The following EYS variants were observed in gnomAD, a reference collection of about 807,000 sequenced individuals.
EYS encodes protein eyes shut homolog.
Under a neutral mutation model 282.1 loss-of-function variants are expected in EYS, and 250 were observed. The ratio of observed to expected loss-of-function variants is 0.89; its 90% confidence interval spans 0.80 to 0.98. The LOEUF (loss-of-function observed/expected upper bound fraction) is 0.98. Among genes scored for constraint, EYS ranks in the 50% least tolerant of loss-of-function variants. The pLI, the probability that EYS is intolerant of heterozygous loss-of-function variation, is 0.00. For missense variants in EYS, 4,016 were observed against 3,709.0 expected (o/e 1.08, Z -2.15); for synonymous variants, 1,355 against 1,282.9 (o/e 1.06, Z -1.20).
intron 26 of EYS, among the ~76,000 whole-genome samples, chr6:64,450,065 T>C (rs369965334): frequency 4.0e-5 from 6 of 151,796 alleles, no homozygotes; most frequent in South Asian, 2.1e-4. Context: ...ACCTGGCAAA[T>C]TGGATAAAGA....
chr6:64,557,380 C>A (rs1037227564), intron 26 of EYS, among the ~76,000 whole-genome samples: 1 of 151,878 alleles, frequency 6.6e-6, no homozygotes, highest in Non-Finnish European at 1.5e-5. Flanking sequence ...TTATTTGGTT[C>A]TTTTCAATGT....
intron 12 of EYS, among the ~76,000 whole-genome samples, chr6:65,107,316 A>G (rs1170880914): frequency 6.7e-6 from 1 of 149,510 alleles, no homozygotes. Flanking sequence ...TTTTTAATGT[A>G]AACACCTGGG....
chr6:64,789,105 T>C (rs561745861), intron 22 of EYS, among the ~76,000 whole-genome samples: 1 of 152,188 alleles, frequency 6.6e-6, no homozygotes. Context: ...CAAGCCACCA[T>C]AGTATTTGAC....
chr6:65,049,535 T>TA (rs1448379114), intron 13 of EYS, among the ~76,000 whole-genome samples: 1 of 151,782 alleles, frequency 6.6e-6, no homozygotes, highest in Non-Finnish European at 1.5e-5. Flanking sequence ...TGAAAAAGTT[T>TA]AAAAGTTGAG....
intron 2 of EYS, among the ~76,000 whole-genome samples, chr6:65,503,483 T>C (rs577581626): frequency 6.6e-6 from 1 of 151,772 alleles, no homozygotes; most frequent in South Asian, 2.1e-4. Context: ...TTTTCTGTCA[T>C]GAATTATGCT....
At chr6:64,185,300 A>C (rs1042334509) in intron 31 of EYS, among the ~76,000 whole-genome samples, 1 of 152,210 alleles carries the variant, frequency 6.6e-6, no homozygotes, top group Non-Finnish European at 1.5e-5. Context: ...TCTAACCCAC[A>C]GTCAGCTACA....
At chr6:64,704,254 CTTTG>C (rs1770895546) in intron 22 of EYS, among the ~76,000 whole-genome samples, 2 of 148,974 alleles carry the variant, frequency 1.3e-5, no homozygotes, top group South Asian at 2.1e-4. Flanking sequence ...TATATCTGTA[CTTTG>C]TTTAATTTTA....
rs9453354 is a variant in EYS, at chr6:65,633,143, A to T, written c.-333+6635T>A. ...CATTGTTAGGGTTGTGTTTTCTCTGAACTATCCATCATAAGATTTATTTTT... is the reference window on the plus strand; with the variant it reads ...CATTGTTAGGGTTGTGTTTTCTCTGTACTATCCATCATAAGATTTATTTTT... On this transcript the variant is annotated intron_variant, in intron 2 of 42. Coordinates refer to ENST00000503581, the MANE Select transcript of EYS (RefSeq NM_001142800.2). 5.7e-4 allele frequency among the ~76,000 whole-genome samples: 87 copies of T among 152,290 alleles called. 1 individual carries two copies. The highest frequency in any genetic ancestry group is 2.0e-3 in the African/African-American group (82 of 41,556).
At chr6:64,133,217 T>C (rs997630771) in intron 31 of EYS, among the ~76,000 whole-genome samples, 1 of 152,052 alleles carries the variant, frequency 6.6e-6, no homozygotes, top group Non-Finnish European at 1.5e-5. Flanking sequence ...ACATTTTTTA[T>C]TTAAATATTA....
intron 33 of EYS, among the ~76,000 whole-genome samples, chr6:64,048,894 C>T (rs7752934): frequency 0.33 from 50,640 of 151,790 alleles, 8,822 homozygotes; most frequent in African/African-American, 0.44. Flanking sequence ...CAGTCATTCT[C>T]CTGCCATTCT....
At chr6:63,847,877 T>A (rs1371796111) in intron 36 of EYS, among the ~76,000 whole-genome samples, 1 of 152,210 alleles carries the variant, frequency 6.6e-6, no homozygotes, top group Non-Finnish European at 1.5e-5. Context: ...TGTTGAATAC[T>A]TTTCAATGTA....
intron 12 of EYS, among the ~76,000 whole-genome samples, chr6:65,279,154 A>C (rs1768147422): frequency 1.3e-5 from 2 of 152,166 alleles, no homozygotes; most frequent in Non-Finnish European, 2.9e-5. Flanking sequence ...ACGCCACTGC[A>C]CTTCACCCTG....
At chr6:63,968,937 C>T (rs993517785) in intron 35 of EYS, among the ~76,000 whole-genome samples, 1 of 152,126 alleles carries the variant, frequency 6.6e-6, no homozygotes, top group South Asian at 2.1e-4. Flanking sequence ...TTACACAAAG[C>T]GTACTTGTGG....
chr6:65,424,305 G>A (rs1441960510), intron 5 of EYS, among the ~76,000 whole-genome samples: 2 of 151,190 alleles, frequency 1.3e-5, no homozygotes, highest in Non-Finnish European at 3.0e-5. Flanking sequence ...TTGCTCTTAA[G>A]ATTTTTCTGA....
chr6:64,311,636 C>A (rs1769708112), intron 29 of EYS, among the ~76,000 whole-genome samples: 1 of 152,136 alleles, frequency 6.6e-6, no homozygotes, highest in South Asian at 2.1e-4. Context: ...AAGATCAACG[C>A]AGAAGGCAGG....
At chr6:65,449,433 G>A (rs1764320193) in intron 5 of EYS, among the ~76,000 whole-genome samples, 2 of 151,952 alleles carry the variant, frequency 1.3e-5, no homozygotes, top group South Asian at 4.1e-4. Context: ...AGAATGCATT[G>A]GGTTGTTATC....
In EYS at chr6:64,703,425, A is replaced by T. The variant is rs1200340913; in HGVS notation, c.3444-77180T>A. On this transcript the variant is annotated intron_variant, in intron 22 of 42. Coordinates refer to ENST00000503581, the MANE Select transcript of EYS (RefSeq NM_001142800.2). ...CACACACACACATATATATATATAT[A>T]TATATTTTTTTTTTTTTTTTTTGAG... 4.6e-3 allele frequency among the ~76,000 whole-genome samples: 95 copies of T among 20,720 alleles called. 2 individuals are homozygous for T. Among genetic ancestry groups the T allele is most frequent in the Admixed American group, 8.8e-3 (13 of 1,480 alleles). The allele number at this position is 20,720 out of a possible 152,430, so 13.6% of individuals were successfully genotyped here.
chr6:64,152,698 A>G (rs1216289943), intron 31 of EYS, among the ~76,000 whole-genome samples: 1 of 152,200 alleles, frequency 6.6e-6, no homozygotes, highest in Non-Finnish European at 1.5e-5. Context: ...GGAAAAGGCT[A>G]TGATTTTGCA....
At chr6:65,221,635 A>T (rs1472857988) in intron 12 of EYS, among the ~76,000 whole-genome samples, 2 of 152,192 alleles carry the variant, frequency 1.3e-5, no homozygotes, top group Admixed American at 1.3e-4. Context: ...TGGAAGGGAA[A>T]TGTGGAGTTG....
Sources: gnomAD v4.1 joint callset for allele counts (sites outside exome capture counted in the v4.1 genomes callset) on GRCh38, gnomAD v4.1.1 for gene constraint, MANE v1.5 for transcripts, NCBI Gene and HGNC (gene_info 2026-07-23, HGNC 2026-07-21) for gene names.